SEMA3A: variants seen among roughly 807,000 people sequenced by gnomAD.
SEMA3A encodes the protein semaphorin 3A.
SEMA3A carries 29 observed loss-of-function variants against 97.9 expected under a neutral mutation model. The observed-to-expected ratio is 0.30, with a 90% CI of 0.22 to 0.40. The LOEUF is 0.40. Ranked by LOEUF, SEMA3A falls within the 10% of genes least tolerant of loss-of-function variation. The pLI, the probability that SEMA3A is intolerant of heterozygous loss-of-function variation, is 1.00. For synonymous variants in SEMA3A, 321 were observed against 323.7 expected, an observed-to-expected ratio of 0.99 and a Z score of 0.09; for missense variants, 763 against 951.3, an observed-to-expected ratio of 0.80 and a Z score of 2.60.
At chr7:84,269,701 T>A (rs746977932) in intron 3 of SEMA3A, among the ~76,000 whole-genome samples, 5 of 152,130 alleles carry the variant, frequency 3.3e-5, no homozygotes, top group African/African-American at 1.2e-4. Context: ...TTGTTATTAT[T>A]TAGGTTTGCA....
intron 1 of SEMA3A, among the ~76,000 whole-genome samples, chr7:84,145,495 G>A (rs1796436318): frequency 6.6e-6 from 1 of 152,054 alleles, no homozygotes; most frequent in Non-Finnish European, 1.5e-5. Flanking sequence ...TAAATTTTAT[G>A]TCAGGATATA....
At chr7:84,007,914 A>G (rs1166811895) in intron 9 of SEMA3A, among the ~76,000 whole-genome samples, 2 of 152,142 alleles carry the variant, frequency 1.3e-5, no homozygotes, top group African/African-American at 2.4e-5. Flanking sequence ...ATGTTTAAGA[A>G]CTCACTTTGT....
intron 4 of SEMA3A, among the ~76,000 whole-genome samples, chr7:84,080,123 T>C (rs969341936): frequency 1.2e-4 from 16 of 137,306 alleles, no homozygotes; most frequent in Non-Finnish European, 2.0e-4. Flanking sequence ...AAACACTGCA[T>C]GTTCTCACTC....
At chr7:84,467,528 A>T (rs1158808123) in intron 1 of SEMA3A, among the ~76,000 whole-genome samples, 3 of 75,558 alleles carry the variant, frequency 4.0e-5, no homozygotes, top group African/African-American at 1.5e-4. Context: ...CTCCTTCTAA[A>T]AAAAAAAAAA....
chr7:84,425,387 T>C (rs1804777872), intron 1 of SEMA3A, among the ~76,000 whole-genome samples: 2 of 132,200 alleles, frequency 1.5e-5, no homozygotes, highest in African/African-American at 5.5e-5. Context: ...AATATATGCA[T>C]ATAATATATT....
intron 3 of SEMA3A, among the ~76,000 whole-genome samples, chr7:84,241,029 A>C (rs1420756676): frequency 6.6e-6 from 1 of 152,174 alleles, no homozygotes; most frequent in Non-Finnish European, 1.5e-5. Context: ...GGTTGGTTCC[A>C]AGTCTTTGCT....
chr7:83,962,216 G>C (rs1788501679), intron 16 of SEMA3A, among the ~76,000 whole-genome samples: 2 of 151,968 alleles, frequency 1.3e-5, no homozygotes, highest in African/African-American at 4.8e-5. Flanking sequence ...CGGGGCATTA[G>C]AATGAATTTA....
intron 1 of SEMA3A, among the ~76,000 whole-genome samples, chr7:84,407,598 C>T (rs1487357753): frequency 2.0e-5 from 3 of 150,790 alleles, no homozygotes; most frequent in Non-Finnish European, 3.0e-5. Flanking sequence ...CAATCCTAAG[C>T]CAAAAGAACA....
At chr7:84,025,843 T>C (rs1791525544) in intron 6 of SEMA3A, among the ~76,000 whole-genome samples, 1 of 152,218 alleles carries the variant, frequency 6.6e-6, no homozygotes. Flanking sequence ...TACAAACTAG[T>C]AACTGGCAGA....
At chr7:84,269,362 T>C (rs1584187958) in intron 3 of SEMA3A, among the ~76,000 whole-genome samples, 1 of 152,090 alleles carries the variant, frequency 6.6e-6, no homozygotes, top group Non-Finnish European at 1.5e-5. Context: ...ACTACCCATG[T>C]CAGTAATCTT....
At chr7:84,303,091 T>G (rs576236893) in intron 3 of SEMA3A, among the ~76,000 whole-genome samples, 1 of 152,142 alleles carries the variant, frequency 6.6e-6, no homozygotes, top group Non-Finnish European at 1.5e-5. Flanking sequence ...TTCAAAGAGG[T>G]AGGTGACATT....
chr7:84,389,765 C>T (rs933604903), intron 1 of SEMA3A, among the ~76,000 whole-genome samples: 2 of 151,988 alleles, frequency 1.3e-5, no homozygotes, highest in Admixed American at 6.6e-5. Flanking sequence ...TTCCAGCTGC[C>T]ATACACCAAC....
At chr7:84,422,375 AT>A (rs201817779) in intron 1 of SEMA3A, among the ~76,000 whole-genome samples, 2,352 of 151,730 alleles carry the variant, frequency 0.016, 68 homozygotes, top group African/African-American at 0.053. Flanking sequence ...TCCTTTTATC[AT>A]TTTTTATTGT....
chr7:83,963,364 A>C lies in SEMA3A; in HGVS notation c.1718-17T>G. Reference sequence around the variant, plus strand: ...GGTGATTATCTGGCCAGTGATGAGAAAATGCAATGAGAAAATATTAGAGAA... The same window carrying C: ...GGTGATTATCTGGCCAGTGATGAGACAATGCAATGAGAAAATATTAGAGAA... On this transcript the variant is annotated splice_polypyrimidine_tract_variant and intron_variant, in intron 15 of 16. Transcript: ENST00000265362. The C allele has an allele frequency of 1.3e-6, 2 of 1,598,924 alleles. No individual in the cohort carries two copies. The highest frequency in any genetic ancestry group is 1.3e-5 in the African/African-American group (1 of 74,730).
At chr7:84,003,215 A>G (rs1027056360) in intron 11 of SEMA3A, among the ~76,000 whole-genome samples, 2 of 152,158 alleles carry the variant, frequency 1.3e-5, no homozygotes, top group African/African-American at 2.4e-5. Context: ...AACCAAAAAA[A>G]GTACACTTTT....
At chr7:84,037,148 T>A (rs73185465) in intron 6 of SEMA3A, among the ~76,000 whole-genome samples, 7,294 of 144,206 alleles carry the variant, frequency 0.051, 296 homozygotes, top group East Asian at 0.23. Context: ...ACAGCTAAGT[T>A]TTTTTTCTTT....
At chr7:84,373,921 T>G (rs1779184039) in intron 1 of SEMA3A, among the ~76,000 whole-genome samples, 1 of 152,208 alleles carries the variant, frequency 6.6e-6, no homozygotes, top group South Asian at 2.1e-4. Context: ...AAGTAGTTGT[T>G]GAAAATATGG....
intron 1 of SEMA3A, among the ~76,000 whole-genome samples, chr7:84,488,300 C>T (rs1378694775): frequency 7.1e-6 from 1 of 141,152 alleles, no homozygotes; most frequent in African/African-American, 2.8e-5. Flanking sequence ...TGTTTTCCAG[C>T]TATGTTTCTT....
At chr7:84,195,208 C>T (rs78078617), upstream of SEMA3A, 9,549 of 152,000 alleles carry the variant, frequency 0.063, 349 homozygotes, top group African/African-American at 0.092. Flanking sequence ...ACAACACATG[C>T]AAAAAACATC....
Sources: allele counts gnomAD v4.1 joint callset (sites outside exome capture counted in the v4.1 genomes callset), GRCh38; gene constraint gnomAD v4.1.1; transcripts MANE v1.5; gene names NCBI Gene and HGNC (gene_info 2026-07-23, HGNC 2026-07-21).